FGD5: variants seen among roughly 807,000 people sequenced by gnomAD.
FGD5 encodes the protein FYVE, RhoGEF and PH domain containing 5.
FGD5 carries 28 observed loss-of-function variants against 133.4 expected under a neutral mutation model. That is an observed-to-expected ratio of 0.21 (90% confidence interval 0.16 to 0.29). FGD5 has a LOEUF of 0.29. Among genes scored for constraint, FGD5 ranks in the 10% least tolerant of loss-of-function variants. The pLI is 1.00. For synonymous variants in FGD5, 810 were observed against 776.5 expected, an observed-to-expected ratio of 1.04 and a Z score of -0.72; for missense variants, 1,858 against 1,895.2, an observed-to-expected ratio of 0.98 and a Z score of 0.36.
chr3:14,931,147 C>T (rs1439236659), intron 18 of FGD5: 2 of 152,110 alleles, frequency 1.3e-5, no homozygotes, highest in Non-Finnish European at 2.9e-5. Flanking sequence ...TTTGGTGTTT[C>T]ACTATTAAGT....
At chr3:14,843,128 C>T in intron 1 of FGD5, among the ~76,000 whole-genome samples, 1 of 152,152 alleles carries the variant, frequency 6.6e-6, no homozygotes, top group Non-Finnish European at 1.5e-5. Context: ...TGCTTATTTT[C>T]TCATGTTTGA....
At chr3:14,887,226 C>G (rs185890345) in intron 4 of FGD5, among the ~76,000 whole-genome samples, 2 of 152,286 alleles carry the variant, frequency 1.3e-5, no homozygotes, top group South Asian at 2.1e-4. Flanking sequence ...GCCTTCATCA[C>G]TAAACTCTGA....
chr3:14,843,723 TTC>T (rs1325637186), intron 1 of FGD5, among the ~76,000 whole-genome samples: 1 of 133,738 alleles, frequency 7.5e-6, no homozygotes, highest in Admixed American at 8.4e-5. Context: ...CAGAGTCTCA[TTC>T]TGTCGCCCAG....
intron 1 of FGD5, among the ~76,000 whole-genome samples, chr3:14,841,821 A>C (rs770625059): frequency 1.3e-5 from 2 of 152,084 alleles, no homozygotes; most frequent in Non-Finnish European, 2.9e-5. Context: ...CACTCCCTCA[A>C]GAGTGCTTGC....
rs2036426012 is a variant in FGD5 at position 14,818,984 on chromosome 3, G to C, written c.-88G>C. The C allele has an allele frequency of 6.9e-7, 1 of 1,452,130 alleles. No individual in the cohort carries two copies. Among genetic ancestry groups the C allele is most frequent in the African/African-American group, 1.4e-5 (1 of 69,424 alleles). The allele number at this position is 1,452,130 out of a possible 1,614,324, so 90.0% of individuals were successfully genotyped here. On this transcript the variant is annotated 5_prime_UTR_variant, in exon 1 of 20. Coordinates refer to ENST00000285046, the MANE Select transcript of FGD5 (RefSeq NM_152536.4). ...CACCAAAACCACCTGTCGCTCCCAAGCCAAAGACTACCAGTCCACTGACGC... is the reference window on the plus strand; with the variant it reads ...CACCAAAACCACCTGTCGCTCCCAACCCAAAGACTACCAGTCCACTGACGC...
At chr3:14,895,409 A>G (rs2038117000) in intron 4 of FGD5, among the ~76,000 whole-genome samples, 1 of 152,196 alleles carries the variant, frequency 6.6e-6, no homozygotes, top group African/African-American at 2.4e-5. Flanking sequence ...GTCTAGTGTC[A>G]TTCTTCTGCA....
At chr3:14,864,709 A>G (rs1247161476) in intron 2 of FGD5, among the ~76,000 whole-genome samples, 1 of 152,210 alleles carries the variant, frequency 6.6e-6, no homozygotes, top group Non-Finnish European at 1.5e-5. Context: ...CTGGCCCTGC[A>G]GCAGTGCTGT....
chr3:14,888,235 G>A (rs1213370263), intron 4 of FGD5, among the ~76,000 whole-genome samples: 2 of 151,456 alleles, frequency 1.3e-5, no homozygotes, highest in East Asian at 1.9e-4. Flanking sequence ...ATCTGTAACA[G>A]CCTAATCATT....
chr3:14,843,744 G>A (rs2036971851), intron 1 of FGD5, among the ~76,000 whole-genome samples: 1 of 145,572 alleles, frequency 6.9e-6, no homozygotes, highest in Non-Finnish European at 1.5e-5. Flanking sequence ...AGGCTGGGGT[G>A]CAGTGGCGTG....
chr3:14,848,228 G>A (rs936365065), intron 1 of FGD5, among the ~76,000 whole-genome samples: 2 of 152,118 alleles, frequency 1.3e-5, no homozygotes, highest in African/African-American at 4.8e-5. Context: ...CGTTGTTGTG[G>A]GAGGCAAAAG....
At chr3:14,834,641 G>C (rs2036780326) in intron 1 of FGD5, among the ~76,000 whole-genome samples, 1 of 152,186 alleles carries the variant, frequency 6.6e-6, no homozygotes, top group Admixed American at 6.5e-5. Context: ...ATACATATTT[G>C]TAAGTCTTTT....
chr3:14,825,957 AAC>A (rs1491405248), intron 1 of FGD5, among the ~76,000 whole-genome samples: 1 of 149,676 alleles, frequency 6.7e-6, no homozygotes, highest in Non-Finnish European at 1.5e-5. Flanking sequence ...TGTTTTTAGC[AAC>A]ACAGTGCTGG....
chr3:14,832,721 C>T (rs2036740494), intron 1 of FGD5, among the ~76,000 whole-genome samples: 1 of 152,148 alleles, frequency 6.6e-6, no homozygotes, highest in Non-Finnish European at 1.5e-5. Context: ...CCTTTGAGAG[C>T]TTCCTGACTC....
At chr3:14,888,636 C>T (rs1367303033) in intron 4 of FGD5, among the ~76,000 whole-genome samples, 31 of 152,194 alleles carry the variant, frequency 2.0e-4, no homozygotes, top group Non-Finnish European at 4.4e-5. Context: ...ATTAGAGTAG[C>T]GCCCTTCAGG....
rs1291152704 is a variant in FGD5 at position 14,922,807 on chromosome 3, G to A, written c.3808-239G>A. On this transcript the variant is annotated intron_variant, in intron 15 of 19. Coordinates refer to ENST00000285046, the MANE Select transcript of FGD5 (RefSeq NM_152536.4). This position sits in a 1 kb window ranked among gnomAD's most constrained non-coding sequence, Gnocchi z 4.1. ...AGCATACGTGGCTATTGTGCTTGGA[G>A]AAAAAAGTATCATGTAGTGGTTAAG... Among the ~76,000 whole-genome samples, 1 of 152,176 alleles carries A rather than the reference G, an allele frequency of 6.6e-6. No individual in the cohort carries two copies. Among genetic ancestry groups the A allele is most frequent in the African/African-American group, 2.4e-5 (1 of 41,442 alleles).
Position 14,820,097 on chromosome 3 carries a change from C to G in FGD5, c.1026C>G (p.Leu342=). ...NDCMEDFVTS[L]TGSPYEFFPT... ...GCATGGAGGACTTCGTGACTTCCCTCACAGGAAGCCCCTATGAGTTCTTCC... is the reference window on the plus strand; with the variant it reads ...GCATGGAGGACTTCGTGACTTCCCTGACAGGAAGCCCCTATGAGTTCTTCC... Residue 342 remains leucine, a synonymous_variant, in exon 1 of 20, where the codon CTC becomes CTG. Transcript: ENST00000285046. 1 of 1,614,062 alleles carries G rather than the reference C, an allele frequency of 6.2e-7. No individual in the cohort carries two copies. The highest frequency in any genetic ancestry group is 8.5e-7 in the Non-Finnish European group (1 of 1,179,908).
chr3:14,887,132 T>C (rs372977363), intron 4 of FGD5, among the ~76,000 whole-genome samples: 1 of 152,296 alleles, frequency 6.6e-6, no homozygotes, highest in African/African-American at 2.4e-5. Context: ...TCAGCCATGA[T>C]TATTGGGTTG....
At chr3:14,925,302 T>A (rs79146942) in intron 17 of FGD5, among the ~76,000 whole-genome samples, 7,770 of 152,254 alleles carry the variant, frequency 0.051, 227 homozygotes, top group Middle Eastern at 0.17. Flanking sequence ...ATAGATCTTC[T>A]TTTTCTACCC....
chr3:14,884,598 G>T (rs2037889063), intron 4 of FGD5, among the ~76,000 whole-genome samples: 1 of 152,172 alleles, frequency 6.6e-6, no homozygotes, highest in Admixed American at 6.5e-5. Context: ...AGAACTTAGT[G>T]GCATAAGACA....
Sources: gnomAD v4.1 joint callset for allele counts (sites outside exome capture counted in the v4.1 genomes callset) on GRCh38, gnomAD v4.1.1 for gene constraint, Gnocchi (gnomAD v3.1) non-coding constraint, MANE v1.5 for transcripts, NCBI Gene and HGNC (gene_info 2026-07-23, HGNC 2026-07-21) for gene names.